ROR2: variants seen among roughly 807,000 people sequenced by gnomAD.
ROR2 encodes ROR family WNT receptor 2, also known as tyrosine-protein kinase transmembrane receptor ROR2.
ROR2 carries 33 observed loss-of-function variants against 74.9 expected under a neutral mutation model. The ratio of observed to expected loss-of-function variants is 0.44; its 90% CI spans 0.33 to 0.59. The LOEUF (loss-of-function observed/expected upper bound fraction) is 0.59, where lower values mean the gene tolerates loss of function less well. Ranked by LOEUF, ROR2 falls within the 20% of genes least tolerant of loss-of-function variation. The pLI, the probability that ROR2 is intolerant of heterozygous loss-of-function variation, is 0.02. For missense variants in ROR2, 1,216 were observed against 1,313.8 expected (o/e 0.93, Z 1.15); for synonymous variants, 586 against 558.7 (o/e 1.05, Z -0.69).
chr9:91,940,144 G>A (rs1423033564), intron 1 of ROR2, among the ~76,000 whole-genome samples: 1 of 152,222 alleles, frequency 6.6e-6, no homozygotes, highest in African/African-American at 2.4e-5. Flanking sequence ...ACTCAGCCCC[G>A]CTGTGCGCAA....
At position 91,724,451 on chromosome 9, in the gene ROR2, G is replaced by A. The variant is rs778688744; in HGVS notation, c.2043C>T (p.Val681=). Residue 681 remains valine (V), a synonymous_variant, in exon 9 of 9, where the codon GTC becomes GTT. Coordinates refer to ENST00000375708, the MANE Select transcript of ROR2 (RefSeq NM_004560.4). ...IDSDIWSYGV[V]LWEVFSYGLQ... ...GGCCGTAGCTGAAGACCTCCCACAG[G>A]ACCACACCGTAGGACCAGATGTCTG... 2.5e-6 allele frequency: 4 copies of A among 1,614,174 alleles called. No homozygotes were observed. The highest frequency in any genetic ancestry group is 3.4e-6 in the Non-Finnish European group (4 of 1,180,014).
chr9:91,728,373 TTTC>T (rs1296096991), intron 7 of ROR2, among the ~76,000 whole-genome samples: 4 of 152,234 alleles, frequency 2.6e-5, no homozygotes, highest in Admixed American at 2.6e-4. Context: ...TTTATATGGT[TTTC>T]TTAATTCGAA....
chr9:91,796,094 G>A (rs1283456655), intron 1 of ROR2, among the ~76,000 whole-genome samples: 2 of 152,200 alleles, frequency 1.3e-5, no homozygotes, highest in African/African-American at 4.8e-5. Context: ...GGGCATCGGT[G>A]CAGGGCTCAC....
intron 1 of ROR2, among the ~76,000 whole-genome samples, chr9:91,835,914 G>T (rs2119200253): frequency 6.6e-6 from 1 of 152,278 alleles, no homozygotes; most frequent in South Asian, 2.1e-4. Flanking sequence ...CTTAATTTCT[G>T]GGCGCTAGGA....
chr9:91,812,315 A>C (rs996248611), intron 1 of ROR2, among the ~76,000 whole-genome samples: 6 of 152,130 alleles, frequency 3.9e-5, no homozygotes, highest in Non-Finnish European at 8.8e-5. Context: ...TTTAGCAAAC[A>C]GGTCGTTGAG....
At chr9:91,901,346 G>C (rs1830673009) in intron 1 of ROR2, among the ~76,000 whole-genome samples, 1 of 152,156 alleles carries the variant, frequency 6.6e-6, no homozygotes, top group Non-Finnish European at 1.5e-5. Context: ...TAACTAGGAG[G>C]TAGTGATAGT....
At chr9:91,821,788 G>A (rs73515166) in intron 1 of ROR2, among the ~76,000 whole-genome samples, 3,362 of 152,270 alleles carry the variant, frequency 0.022, 128 homozygotes, top group African/African-American at 0.076. Context: ...CAGCCCCGGC[G>A]TCATTACACA....
intron 2 of ROR2, among the ~76,000 whole-genome samples, chr9:91,768,349 G>C (rs2118899921): frequency 6.6e-6 from 1 of 152,252 alleles, no homozygotes; most frequent in Non-Finnish European, 1.5e-5. Flanking sequence ...GAAGGAGACA[G>C]CCCAAGAAAC....
chr9:91,735,606 C>CT lies in ROR2; in HGVS notation c.622+1784dup, dbSNP rs35146225. On this transcript the variant is annotated intron_variant, in intron 5 of 8. Transcript: ENST00000375708. Reference sequence around the variant, plus strand: ...GCACGGTTCCTACTAAGGGCTCTAACTTTTTTTTTTTTTTTTTTTTTTTTT... The same window carrying CT: ...GCACGGTTCCTACTAAGGGCTCTAACTTTTTTTTTTTTTTTTTTTTTTTTTT... 1.2e-3 allele frequency among the ~76,000 whole-genome samples: 91 copies of CT among 79,012 alleles called. 4 individuals are homozygous for CT. Among genetic ancestry groups the CT allele is most frequent in the East Asian group, 6.5e-3 (13 of 2,002 alleles). 51.8% of individuals were successfully genotyped at this position (79,012 alleles called of 152,430 possible).
At chr9:91,860,664 G>A (rs1829443916) in intron 1 of ROR2, among the ~76,000 whole-genome samples, 1 of 152,192 alleles carries the variant, frequency 6.6e-6, no homozygotes. Context: ...AAGGCTGGAA[G>A]GCCTGGAGTA....
intron 1 of ROR2, among the ~76,000 whole-genome samples, chr9:91,849,324 C>T (rs1449873178): frequency 6.6e-6 from 1 of 152,154 alleles, no homozygotes; most frequent in African/African-American, 2.4e-5. Flanking sequence ...AATAAAGGGG[C>T]CCTGTAGGTA....
At chr9:91,734,611 G>C (rs1824959955) in intron 5 of ROR2, among the ~76,000 whole-genome samples, 1 of 152,206 alleles carries the variant, frequency 6.6e-6, no homozygotes, top group Non-Finnish European at 1.5e-5. Context: ...CCAGGAACGG[G>C]ATGGGCAGCT....
intron 1 of ROR2, among the ~76,000 whole-genome samples, chr9:91,781,391 C>T (rs17514461): frequency 0.031 from 4,772 of 152,272 alleles, 129 homozygotes; most frequent in East Asian, 0.13. Flanking sequence ...CTACTCAGCT[C>T]GGCAACACGT....
intron 1 of ROR2, among the ~76,000 whole-genome samples, chr9:91,943,629 TG>T (rs1025281218): frequency 2.0e-5 from 3 of 152,096 alleles, no homozygotes; most frequent in Admixed American, 1.3e-4. Flanking sequence ...CTAAGAAGGG[TG>T]CCAGTTTTGC....
At chr9:91,916,205 C>A (rs768057030) in intron 1 of ROR2, among the ~76,000 whole-genome samples, 3 of 152,306 alleles carry the variant, frequency 2.0e-5, no homozygotes, top group Non-Finnish European at 4.4e-5. Context: ...GTTTCCCCCG[C>A]AACTAATCTT....
At chr9:91,856,524 A>G (rs1461544798) in intron 1 of ROR2, among the ~76,000 whole-genome samples, 3 of 152,180 alleles carry the variant, frequency 2.0e-5, no homozygotes, top group Non-Finnish European at 4.4e-5. Context: ...CCCCAACCTG[A>G]CTGGTGTCCT....
Position 91,724,955 on chromosome 9 carries a change from C to T in ROR2, c.1539G>A (p.Ala513=), listed in dbSNP as rs776884265. ...AVAIKTLKDK[A]EGPLREEFRH... is the part of the protein sequence containing the mutation. ...GGAACTCCTCCCGCAGGGGCCCCTCCGCTTTGTCCTTCAGCGTTTTGATGG... is the reference window on the plus strand; with the variant it reads ...GGAACTCCTCCCGCAGGGGCCCCTCTGCTTTGTCCTTCAGCGTTTTGATGG... Residue 513 remains alanine, a synonymous_variant, in exon 9 of 9, where the codon GCG becomes GCA. Transcript: ENST00000375708. 34 of 1,613,328 alleles carry T rather than the reference C, an allele frequency of 2.1e-5. No homozygotes were observed. Among genetic ancestry groups the T allele is most frequent in the East Asian group, 6.7e-5 (3 of 44,866 alleles).
chr9:91,742,692 C>G (rs1825291731), intron 4 of ROR2, among the ~76,000 whole-genome samples: 1 of 152,150 alleles, frequency 6.6e-6, no homozygotes, highest in Non-Finnish European at 1.5e-5. Flanking sequence ...AGTGCAATTA[C>G]TCAATTTTTA....
At chr9:91,919,184 A>G (rs1243208576) in intron 1 of ROR2, among the ~76,000 whole-genome samples, 1 of 152,218 alleles carries the variant, frequency 6.6e-6, no homozygotes, top group African/African-American at 2.4e-5. Context: ...ATTGGCTTTT[A>G]AATGGGCACT....
Sources: allele counts gnomAD v4.1 joint callset (sites outside exome capture counted in the v4.1 genomes callset), GRCh38; gene constraint gnomAD v4.1.1; transcripts MANE v1.5; gene names NCBI Gene and HGNC (gene_info 2026-07-23, HGNC 2026-07-21).